The following DDX17 variants were observed in gnomAD, a reference collection of about 807,000 sequenced individuals.
The protein encoded by DDX17 is probable ATP-dependent RNA helicase DDX17.
Under a neutral mutation model 80.8 loss-of-function variants are expected in DDX17, and 10 were observed. The ratio of observed to expected loss-of-function variants is 0.12; its 90% CI spans 0.08 to 0.21. The LOEUF is 0.21. Ranked by LOEUF, DDX17 falls within the 10% of genes least tolerant of loss-of-function variation. DDX17 has a pLI of 1.00. For synonymous variants in DDX17, 339 were observed against 336.2 expected (o/e 1.01, Z -0.09); for missense variants, 586 against 957.4 (o/e 0.61, Z 5.12).
At chr22:38,493,512 A>T (rs2089732789) in intron 10 of DDX17, 198 bp downstream of exon 10, 1 of 579,092 alleles carries the variant, frequency 1.7e-6, no homozygotes, top group East Asian at 3.0e-5. Flanking sequence ...TTTACATATT[A>T]TCTACAGCCT....
chr22:38,489,014 C>T lies in DDX17; in HGVS notation c.1448-899G>A. ...GCTGGGAATTGGGCTGAATAACCTC[C>T]TAAGGCTTAAAATGTAAATGTTAGT... On this transcript the variant is annotated intron_variant, in intron 11 of 12. Coordinates refer to ENST00000403230, the MANE Select transcript of DDX17 (RefSeq NM_006386.5). The surrounding 1 kb of genome is among the most constrained non-coding windows in gnomAD (Gnocchi z 4.6). The T allele has an allele frequency of 1.0e-6, 1 of 985,258 alleles. No homozygotes were observed. Among genetic ancestry groups the T allele is most frequent in the East Asian group, 1.1e-4 (1 of 8,816 alleles). The allele number at this position is 985,258 out of a possible 1,614,324, so 61.0% of individuals were successfully genotyped here.
intron 2 of DDX17, among the ~76,000 whole-genome samples, chr22:38,500,546 C>T (rs113550626): frequency 4.6e-5 from 7 of 152,090 alleles, no homozygotes; most frequent in South Asian, 4.2e-4. Flanking sequence ...TGGTGGCTCA[C>T]GCCTGTAATC....
At chr22:38,487,659 C>CT (rs1197856364) in intron 12 of DDX17, among the ~76,000 whole-genome samples, 1 of 151,914 alleles carries the variant, frequency 6.6e-6, no homozygotes, top group Non-Finnish European at 1.5e-5. Flanking sequence ...AGACCAGTCT[C>CT]TAAGAAAAAA....
intron 10 of DDX17, chr22:38,493,255 T>C: frequency 6.5e-6 from 1 of 153,876 alleles, no homozygotes; most frequent in Non-Finnish European, 1.4e-5. Context: ...CTTGGCTCAC[T>C]CCAACCTGTC....
chr22:38,490,544 A>G (rs1434076180), intron 11 of DDX17: 8 of 910,848 alleles, frequency 8.8e-6, no homozygotes, highest in East Asian at 6.2e-5. Flanking sequence ...GGGAAGTGGT[A>G]GCCTAAGGAT....
chr22:38,503,287 T>C (rs2145712434), intron 1 of DDX17, among the ~76,000 whole-genome samples: 1 of 152,358 alleles, frequency 6.6e-6, no homozygotes, highest in South Asian at 2.1e-4. Flanking sequence ...CTTTGGATTA[T>C]CACTCTTGCA....
intron 10 of DDX17, chr22:38,493,392 G>T: frequency 4.4e-6 from 1 of 226,654 alleles, no homozygotes. Flanking sequence ...TCACTATGTT[G>T]CCCAGACCGG....
chr22:38,505,855 A>C, intron 1 of DDX17, 96 bp downstream of exon 1: 1 of 1,431,376 alleles, frequency 7.0e-7, no homozygotes, highest in Non-Finnish European at 9.4e-7. Flanking sequence ...TCCCGGGTCG[A>C]GAGCAAGGCT....
At chr22:38,490,075 C>T (rs962542937) in intron 11 of DDX17, 5 of 1,073,158 alleles carry the variant, frequency 4.7e-6, no homozygotes, top group East Asian at 1.6e-4. Context: ...GATGCAAGTT[C>T]TTCATACTAG....
intron 11 of DDX17, chr22:38,488,785 G>C: frequency 1.0e-6 from 1 of 985,410 alleles, no homozygotes; most frequent in Non-Finnish European, 1.2e-6. Context: ...AATTACAAGA[G>C]CACATTACAC....
In DDX17 at chr22:38,489,664, G is replaced by C. The variant is rs1395179701; in HGVS notation, c.1448-1549C>G. ...CTGTTGTTACAGGGCTTGTGAAGAA[G>C]GGGCATTATGTCTGTTTCTTATTAC... On this transcript the variant is annotated intron_variant, in intron 11 of 12. Coordinates refer to ENST00000403230, the MANE Select transcript of DDX17 (RefSeq NM_006386.5). The surrounding 1 kb of genome is among the most constrained non-coding windows in gnomAD (Gnocchi z 4.6). The C allele has an allele frequency of 3.0e-6, 3 of 985,282 alleles. No individual in the cohort carries two copies. The highest frequency in any genetic ancestry group is 3.6e-6 in the Non-Finnish European group (3 of 829,908). The allele number at this position is 985,282 out of a possible 1,614,324, so 61.0% of individuals were successfully genotyped here.
In DDX17 at chr22:38,483,750, G is replaced by A. The variant is rs560292535; in HGVS notation, c.*2185C>T. ...TACATTGGAACCCTTTCCCTAAGTT[G>A]AGTTTCAACCATGAATGCAATAACT... On this transcript the variant is annotated 3_prime_UTR_variant, in exon 13 of 13. Coordinates refer to ENST00000403230, the MANE Select transcript of DDX17 (RefSeq NM_006386.5). 7 of 152,352 alleles carry A rather than the reference G, an allele frequency of 4.6e-5. No individual in the cohort carries two copies. Among genetic ancestry groups the A allele is most frequent in the Admixed American group, 3.9e-4 (6 of 15,290 alleles). The allele number at this position is 152,352 out of a possible 1,614,324, so 9.4% of individuals were successfully genotyped here. A position where few individuals can be genotyped will look rare whatever the true frequency, so the allele number is the denominator to read the frequency against.
At chr22:38,493,340 C>T (rs956983358) in intron 10 of DDX17, 1 of 166,076 alleles carries the variant, frequency 6.0e-6, no homozygotes, top group South Asian at 1.6e-4. Context: ...CCAAGCTTGG[C>T]TAAGTTTTGT....
chr22:38,497,987 T>C (rs759470697), intron 5 of DDX17, 98 bp downstream of exon 5: 29 of 1,099,172 alleles, frequency 2.6e-5, no homozygotes, highest in Non-Finnish European at 3.9e-5. Flanking sequence ...ATGGAGGGTG[T>C]GGTTAAGAGT....
At chr22:38,500,934 C>T (rs1393496567) in intron 2 of DDX17, among the ~76,000 whole-genome samples, 196 bp downstream of exon 2, 2 of 140,628 alleles carry the variant, frequency 1.4e-5, no homozygotes, top group Admixed American at 7.5e-5. Context: ...AGTTCAAGAC[C>T]AGCCTGGGGA....
intron 10 of DDX17, 80 bp downstream of exon 10, chr22:38,493,630 T>A (rs1382992005): frequency 8.4e-7 from 1 of 1,189,396 alleles, no homozygotes; most frequent in Non-Finnish European, 1.2e-6. Flanking sequence ...AAAGTTTGCC[T>A]ATCCCTGAAA....
intron 1 of DDX17, among the ~76,000 whole-genome samples, chr22:38,502,224 A>C (rs1844596701): frequency 6.6e-6 from 1 of 152,170 alleles, no homozygotes; most frequent in African/African-American, 2.4e-5. Context: ...CAGCCTGGCC[A>C]ATATAGTGAA....
rs1293673867 is a variant in DDX17, at chr22:38,486,001, A to G, written c.2124T>C (p.Gly708=). The G allele has an allele frequency of 6.2e-7, 1 of 1,613,640 alleles. No homozygotes were observed. Among genetic ancestry groups the G allele is most frequent in the East Asian group, 2.2e-5 (1 of 44,848 alleles). Residue 708 remains glycine, a synonymous_variant, in exon 13 of 13, where the codon GGT becomes GGC. Coordinates refer to ENST00000403230, the MANE Select transcript of DDX17 (RefSeq NM_006386.5). ...ATTGGTAGGCAGTCTGCCCCATGTA[A>G]CCTATCATATTGGTAGCTCCCGGAG...
In DDX17 at chr22:38,497,861, T is replaced by C. The variant is rs531345374; in HGVS notation, c.738+224A>G. 5.3e-5 allele frequency among the ~76,000 whole-genome samples: 8 copies of C among 152,160 alleles called. No homozygotes were observed. The South Asian group carries it at 8.3e-4, about 16-fold the overall frequency. On this transcript the variant is annotated intron_variant, in intron 5 of 12. Coordinates refer to ENST00000403230, the MANE Select transcript of DDX17 (RefSeq NM_006386.5). ...ACAGTAAATGCCCATACAGCATGCA[T>C]GGTTTCTTTAAGAGTAAGACTTTGG...
Sources: gnomAD v4.1 joint callset for allele counts (sites outside exome capture counted in the v4.1 genomes callset) on GRCh38, gnomAD v4.1.1 for gene constraint, Gnocchi (gnomAD v3.1) non-coding constraint, MANE v1.5 for transcripts, NCBI Gene and HGNC (gene_info 2026-07-23, HGNC 2026-07-21) for gene names.